The following ZNF143 variants were observed in gnomAD, a reference collection of about 807,000 sequenced individuals.
The protein encoded by ZNF143 is zinc finger protein 143.
A neutral mutation model predicts 74.1 loss-of-function variants in ZNF143; 49 were observed. The ratio of observed to expected loss-of-function variants is 0.66; its 90% CI spans 0.53 to 0.84. The LOEUF is 0.84. Among genes scored for constraint, ZNF143 ranks in the 40% least tolerant of loss-of-function variants. The pLI is 0.00. For synonymous variants in ZNF143, 304 were observed against 282.8 expected (o/e 1.07, Z -0.75); for missense variants, 637 against 793.4 (o/e 0.80, Z 2.37).
intron 14 of ZNF143, among the ~76,000 whole-genome samples, chr11:9,521,139 C>T (rs1330415636): frequency 2.0e-5 from 3 of 152,160 alleles, no homozygotes; most frequent in Non-Finnish European, 4.4e-5. Flanking sequence ...GAAACCTACA[C>T]GTACACATCA....
chr11:9,472,834 C>G (rs1008274494), intron 3 of ZNF143, 65 bp downstream of exon 3: 16 of 1,250,986 alleles, frequency 1.3e-5, no homozygotes, highest in Non-Finnish European at 1.7e-5. Flanking sequence ...GTTGGAGCAC[C>G]TAGAAGCTAT....
chr11:9,473,434 T>C (rs950857279), intron 3 of ZNF143, among the ~76,000 whole-genome samples: 1 of 151,998 alleles, frequency 6.6e-6, no homozygotes, highest in African/African-American at 2.4e-5. Context: ...TATCTGACAT[T>C]GTCTCTGAAT....
intron 1 of ZNF143, chr11:9,463,631 A>T (rs1856005877): frequency 6.6e-6 from 1 of 152,116 alleles, no homozygotes; most frequent in Non-Finnish European, 1.5e-5. Flanking sequence ...TATTCGTCTT[A>T]TTATGATTTG....
intron 1 of ZNF143, among the ~76,000 whole-genome samples, chr11:9,466,097 C>G (rs1856194841): frequency 6.6e-6 from 1 of 150,622 alleles, no homozygotes; most frequent in African/African-American, 2.4e-5. Context: ...ATTCTCCTTC[C>G]TCAGCATCCT....
intron 11 of ZNF143, among the ~76,000 whole-genome samples, chr11:9,502,233 G>A (rs1473264427): frequency 3.0e-5 from 4 of 132,812 alleles, no homozygotes; most frequent in African/African-American, 1.1e-4. Context: ...ACCGCGCCTG[G>A]CCATATTCTT....
chr11:9,464,306 A>G (rs1421726861), intron 1 of ZNF143, among the ~76,000 whole-genome samples: 1 of 152,078 alleles, frequency 6.6e-6, no homozygotes, highest in Non-Finnish European at 1.5e-5. Context: ...TAATTTTTAG[A>G]AAAACGTTTG....
At chr11:9,466,101 G>A (rs1276927295) in intron 1 of ZNF143, among the ~76,000 whole-genome samples, 1 of 151,522 alleles carries the variant, frequency 6.6e-6, no homozygotes, top group African/African-American at 2.4e-5. Flanking sequence ...TCCTTCCTCA[G>A]CATCCTGAGT....
intron 13 of ZNF143, among the ~76,000 whole-genome samples, chr11:9,514,767 T>A (rs1848665944): frequency 6.6e-6 from 1 of 152,208 alleles, no homozygotes; most frequent in Admixed American, 6.5e-5. Context: ...GTTGCTAGTT[T>A]AAAAGCAGTG....
At chr11:9,490,126 G>A (rs1027875480) in intron 7 of ZNF143, among the ~76,000 whole-genome samples, 1 of 152,196 alleles carries the variant, frequency 6.6e-6, no homozygotes, top group South Asian at 2.1e-4. Flanking sequence ...GGAGGGTGCA[G>A]TGAGCTGTGA....
chr11:9,512,705 T>G (rs1848594286), intron 13 of ZNF143, 109 bp downstream of exon 13: 10 of 1,385,326 alleles, frequency 7.2e-6, no homozygotes, highest in Non-Finnish European at 9.9e-6. Context: ...GGCACAAAGT[T>G]TGGAAACCCT....
At chr11:9,465,388 T>C (rs1335370834) in intron 1 of ZNF143, among the ~76,000 whole-genome samples, 1 of 151,430 alleles carries the variant, frequency 6.6e-6, no homozygotes, top group Non-Finnish European at 1.5e-5. Context: ...GGTTTCACCA[T>C]GTTGGCCAGG....
At chr11:9,524,170 A>T (rs1348806325) in intron 14 of ZNF143, among the ~76,000 whole-genome samples, 1 of 151,794 alleles carries the variant, frequency 6.6e-6, no homozygotes, top group South Asian at 2.1e-4. Context: ...CCTGGACTCC[A>T]TTATCTTTAA....
intron 15 of ZNF143, 147 bp downstream of exon 15, chr11:9,525,533 A>G: frequency 9.4e-7 from 1 of 1,062,648 alleles, no homozygotes; most frequent in Non-Finnish European, 1.4e-6. Context: ...AAATCGGTGT[A>G]TTTGAGGTGG....
chr11:9,485,952 T>C (rs553848037), intron 7 of ZNF143, among the ~76,000 whole-genome samples: 2 of 151,226 alleles, frequency 1.3e-5, no homozygotes, highest in Non-Finnish European at 2.9e-5. Flanking sequence ...ACTCTATAAT[T>C]ACAGAAGCTC....
chr11:9,472,454 T>G (rs1479679617), intron 2 of ZNF143, among the ~76,000 whole-genome samples: 2 of 151,970 alleles, frequency 1.3e-5, no homozygotes. Flanking sequence ...GGGTTTCACC[T>G]CATTGGCCAG....
intron 7 of ZNF143, among the ~76,000 whole-genome samples, chr11:9,485,627 AC>A (rs1362774964): frequency 6.6e-6 from 1 of 151,384 alleles, no homozygotes; most frequent in African/African-American, 2.4e-5. Context: ...GGCAGGAGCC[AC>A]CGTGCCTGGC....
rs149174415 is a variant in ZNF143 at position 9,503,692 on chromosome 11, G to C, written c.1147+2422G>C. Reference sequence around the variant, plus strand: ...GTCACGCTCTGTCTCGCCCAGGCTGGAGTGTAGTGGTGTGATCTCAGCTCA... The same window carrying C: ...GTCACGCTCTGTCTCGCCCAGGCTGCAGTGTAGTGGTGTGATCTCAGCTCA... On this transcript the variant is annotated intron_variant, in intron 11 of 15. Coordinates refer to ENST00000396602, the MANE Select transcript of ZNF143 (RefSeq NM_003442.6). Among the ~76,000 whole-genome samples the C allele has an allele frequency of 8.6e-3, 1,294 of 151,170 alleles. 16 individuals carry two copies. Among genetic ancestry groups the C allele is most frequent in the African/African-American group, 0.029 (1,211 of 41,084 alleles).
intron 10 of ZNF143, 80 bp from the exon 11 acceptor site, chr11:9,501,011 T>G: frequency 6.5e-7 from 1 of 1,542,962 alleles, no homozygotes; most frequent in Non-Finnish European, 8.9e-7. Flanking sequence ...AGCATAATCC[T>G]AGGCAGGATT....
At chr11:9,477,113 CCCTTCCTTCCTT>C (rs370473998) in intron 5 of ZNF143, among the ~76,000 whole-genome samples, 4,651 of 70,388 alleles carry the variant, frequency 0.066, 188 homozygotes, top group Non-Finnish European at 0.076. Context: ...AAGTCTGCAC[CCCTTCCTTCCTT>C]CCTTCCTTCC....
Sources: allele counts gnomAD v4.1 joint callset (sites outside exome capture counted in the v4.1 genomes callset), GRCh38; gene constraint gnomAD v4.1.1; transcripts MANE v1.5; gene names NCBI Gene and HGNC (gene_info 2026-07-23, HGNC 2026-07-21).